DLG5: variants seen among roughly 807,000 people sequenced by gnomAD.
DLG5 encodes the protein disks large homolog 5.
DLG5 carries 48 observed loss-of-function variants against 189.8 expected under a neutral mutation model. The observed-to-expected ratio is 0.25, with a 90% CI of 0.20 to 0.32. DLG5 has a LOEUF of 0.32. Among genes scored for constraint, DLG5 ranks in the 10% least tolerant of loss-of-function variants. The probability of loss-of-function intolerance (pLI) is 1.00; values close to 1 mark genes in which losing one functional copy is unlikely to be tolerated. For missense variants in DLG5, 2,160 were observed against 2,544.7 expected (o/e 0.85, Z 3.25); for synonymous variants, 1,016 against 1,054.1 (o/e 0.96, Z 0.70).
chr10:77,912,399 C>T (rs1209525069), intron 1 of DLG5: 1 of 152,072 alleles, frequency 6.6e-6, no homozygotes, highest in Non-Finnish European at 1.5e-5. Context: ...ACCTGGTGGT[C>T]TCCTGCTCCC....
chr10:77,923,136 G>A (rs960116426), intron 1 of DLG5, among the ~76,000 whole-genome samples: 6 of 152,190 alleles, frequency 3.9e-5, no homozygotes, highest in East Asian at 1.9e-4. Flanking sequence ...ACAGAGAATC[G>A]GTGCCAAAGC....
chr10:77,918,347 AG>A (rs1168881944), intron 1 of DLG5, among the ~76,000 whole-genome samples: 1 of 152,000 alleles, frequency 6.6e-6, no homozygotes, highest in Non-Finnish European at 1.5e-5. Flanking sequence ...GGGGAGGCGA[AG>A]GTTGCATGAG....
At chr10:77,809,392 C>A (rs939604718) in intron 24 of DLG5, among the ~76,000 whole-genome samples, 155 bp downstream of exon 24, 2 of 152,194 alleles carry the variant, frequency 1.3e-5, no homozygotes, top group African/African-American at 4.8e-5. Flanking sequence ...GGCGACAGAG[C>A]AAGACTCTGC....
chr10:77,900,730 T>C (rs1845900143), intron 1 of DLG5, among the ~76,000 whole-genome samples: 1 of 151,672 alleles, frequency 6.6e-6, no homozygotes, highest in South Asian at 2.1e-4. Context: ...AGGTCAGGAG[T>C]TTGAGACCAG....
rs751389757 is a variant in DLG5, at chr10:77,842,183, T to C, written c.1135A>G (p.Ile379Val). Residue 379 changes from isoleucine (I) to valine (V), a missense_variant, in exon 7 of 32, where the codon ATC (isoleucine) becomes GTC (valine). Ile to Val is a conservative substitution (Grantham distance 29). Coordinates refer to ENST00000372391, the MANE Select transcript of DLG5 (RefSeq NM_004747.4). The stretch of plus-strand genomic sequence containing the variant: ...GTGGCCTTGTTCAGCTCATGGTGGA[T>C]CGCCTCAAACCTGGCAAGAGAGGTG... ...CALSLRRFEA[I>V]HHELNKATAQ... 6.2e-6 allele frequency: 10 copies of C among 1,602,586 alleles called. No homozygotes were observed. The highest frequency in any genetic ancestry group is 4.0e-5 in the African/African-American group (3 of 75,052).
chr10:77,809,693 G>A lies in DLG5; in HGVS notation c.4501C>T (p.Arg1501Cys), dbSNP rs773937324. 3 of 1,613,936 alleles carry A rather than the reference G, an allele frequency of 1.9e-6. No individual in the cohort carries two copies. Among genetic ancestry groups the A allele is most frequent in the East Asian group, 2.2e-5 (1 of 44,880 alleles). ...GDANKKTLEPRVVFIKKSQLE... is the reference protein window; with the variant it reads ...GDANKKTLEPCVVFIKKSQLE... ...TGGGACTTTTTGATGAAGACAACGC[G>A]TGGCTCCAGGGTCTTCTTGTTGGCA... Residue 1501 changes from arginine to cysteine, a missense_variant, in exon 24 of 32, where the codon CGC becomes TGC. Physicochemically the swap from Arg to Cys is radical, Grantham distance 180. Coordinates refer to ENST00000372391, the MANE Select transcript of DLG5 (RefSeq NM_004747.4).
In DLG5 at chr10:77,792,244, AGT is replaced by A. The variant is rs1840673576; in HGVS notation, c.*194_*195del. 1 of 610,304 alleles carries A rather than the reference AGT, an allele frequency of 1.6e-6. No homozygotes were observed. Among genetic ancestry groups the A allele is most frequent in the African/African-American group, 1.8e-5 (1 of 54,194 alleles). 37.8% of individuals were successfully genotyped at this position (610,304 alleles called of 1,614,324 possible). A position where few individuals can be genotyped will look rare whatever the true frequency, so the allele number is the denominator to read the frequency against. On this transcript the variant is annotated 3_prime_UTR_variant, in exon 32 of 32. Transcript: ENST00000372391. ...TAAAGCACACGTGTGACACGGGCAG[AGT>A]GTGTGGGCCTGGGCCTGGATCGCAC...
chr10:77,827,680 T>C (rs1842706836), intron 13 of DLG5, among the ~76,000 whole-genome samples: 1 of 152,186 alleles, frequency 6.6e-6, no homozygotes, highest in African/African-American at 2.4e-5. Flanking sequence ...CTGTTTGCAA[T>C]TGCAGACCCT....
At chr10:77,891,327 C>G (rs1845600586) in intron 1 of DLG5, among the ~76,000 whole-genome samples, 1 of 152,182 alleles carries the variant, frequency 6.6e-6, no homozygotes, top group African/African-American at 2.4e-5. Flanking sequence ...CAAGGAGCTC[C>G]CAATTTTCAT....
chr10:77,869,235 G>C (rs1401110652), intron 1 of DLG5, 38 bp from the exon 2 acceptor site: 3 of 1,597,224 alleles, frequency 1.9e-6, no homozygotes, highest in Non-Finnish European at 2.6e-6. Context: ...TAACCCCAAG[G>C]GGTCACTCGT....
chr10:77,809,213 C>T (rs1841633009), intron 24 of DLG5, among the ~76,000 whole-genome samples: 1 of 152,054 alleles, frequency 6.6e-6, no homozygotes, highest in Non-Finnish European at 1.5e-5. Flanking sequence ...TTGAGACCAG[C>T]CTGGGCAACA....
At chr10:77,889,069 G>C (rs1845529727) in intron 1 of DLG5, among the ~76,000 whole-genome samples, 1 of 145,038 alleles carries the variant, frequency 6.9e-6, no homozygotes, top group African/African-American at 2.5e-5. Flanking sequence ...AACCTCCCAG[G>C]CCTCACAAGC....
chr10:77,850,353 C>T (rs1325829845), intron 5 of DLG5, among the ~76,000 whole-genome samples: 1 of 152,176 alleles, frequency 6.6e-6, no homozygotes, highest in Non-Finnish European at 1.5e-5. Flanking sequence ...TGAAGTTCAT[C>T]CACACTATAG....
chr10:77,828,966 C>T lies in DLG5; in HGVS notation c.2205G>A (p.Glu735=), dbSNP rs1842776669. 1 of 1,613,968 alleles carries T rather than the reference C, an allele frequency of 6.2e-7. No homozygotes were observed. The highest frequency in any genetic ancestry group is 1.7e-5 in the Admixed American group (1 of 59,998). The part of the protein sequence containing the change: ...SGQKDSGISL[E]NGVYAAAVLP... The stretch of plus-strand genomic sequence containing the variant: ...GCACAGCGGCAGCATACACTCCATT[C>T]TCCAGACTGATGCCACTGTCTGCAA... Residue 735 remains glutamate, a synonymous_variant, in exon 13 of 32, where the codon GAG becomes GAA. Transcript: ENST00000372391.
At chr10:77,861,250 G>A (rs1844457947) in intron 2 of DLG5, among the ~76,000 whole-genome samples, 1 of 152,202 alleles carries the variant, frequency 6.6e-6, no homozygotes, top group African/African-American at 2.4e-5. Context: ...GGACCTCAGG[G>A]ACATCAGGCC....
chr10:77,836,212 C>G (rs1843127828), intron 7 of DLG5, among the ~76,000 whole-genome samples: 1 of 152,102 alleles, frequency 6.6e-6, no homozygotes, highest in African/African-American at 2.4e-5. Context: ...TGCTGTGTAT[C>G]TCAGTTCATT....
chr10:77,884,963 C>T (rs893640467), intron 1 of DLG5, among the ~76,000 whole-genome samples: 1 of 152,218 alleles, frequency 6.6e-6, no homozygotes, highest in Non-Finnish European at 1.5e-5. Context: ...ACGCTGCACA[C>T]ACTTACCTGC....
In DLG5 at chr10:77,856,860, G is replaced by A. The variant is rs1330945050; in HGVS notation, c.406C>T (p.Leu136Phe). ...TTGKAPSPPP[L>F]LTDQQVNEKV... Reference sequence around the variant, plus strand: ...TCATTCACTTGCTGGTCAGTGAGGAGGGGTGGTGGGGACGGCGCCTTCCCG... The same window carrying A: ...TCATTCACTTGCTGGTCAGTGAGGAAGGGTGGTGGGGACGGCGCCTTCCCG... Residue 136 changes from leucine to phenylalanine, a missense_variant, in exon 3 of 32, where the codon CTC becomes TTC. This residue lies in a region of DLG5 where 664 missense variants were observed against 838.5 expected (regional missense o/e 0.79). Transcript: ENST00000372391. 1 of 1,612,080 alleles carries A rather than the reference G, an allele frequency of 6.2e-7. No individual in the cohort carries two copies. Among genetic ancestry groups the A allele is most frequent in the Non-Finnish European group, 8.5e-7 (1 of 1,179,664 alleles).
Position 77,817,814 on chromosome 10 carries a change from G to C in DLG5, c.3747C>G (p.Thr1249=). Residue 1249 remains threonine (T), a synonymous_variant, in exon 18 of 32, where the codon ACC becomes ACG. Coordinates refer to ENST00000372391, the MANE Select transcript of DLG5 (RefSeq NM_004747.4). The part of the protein sequence containing the change: ...TCSDYSEMRA[T]HGSNSLPSSA... ...TGGAGGGCAGTGAGTTGGACCCATG[G>C]GTGGCTCTCATCTCGGAGTAGTCGC... 1 of 1,555,852 alleles carries C rather than the reference G, an allele frequency of 6.4e-7. No homozygotes were observed. Among genetic ancestry groups the C allele is most frequent in the Non-Finnish European group, 8.7e-7 (1 of 1,149,058 alleles).
Sources: gnomAD v4.1 joint callset for allele counts (sites outside exome capture counted in the v4.1 genomes callset) on GRCh38, gnomAD v4.1.1 for gene constraint, gnomAD v4.1.1 regional missense constraint, MANE v1.5 for transcripts, NCBI Gene and HGNC (gene_info 2026-07-23, HGNC 2026-07-21) for gene names.